ADGRL3: variants seen among roughly 807,000 people sequenced by gnomAD.
ADGRL3 encodes adhesion G protein-coupled receptor L3.
Under a neutral mutation model 153.5 loss-of-function variants are expected in ADGRL3, and 62 were observed. The observed-to-expected ratio is 0.40, with a 90% CI of 0.33 to 0.50. The LOEUF is 0.50. Ranked by LOEUF, ADGRL3 falls within the 20% of genes least tolerant of loss-of-function variation. The pLI, the probability that ADGRL3 is intolerant of heterozygous loss-of-function variation, is 0.47. For missense variants in ADGRL3, 1,641 were observed against 1,859.4 expected (o/e 0.88, Z 2.16); for synonymous variants, 710 against 672.5 (o/e 1.06, Z -0.86).
At chr4:61,804,589 C>T (rs1390515094) in intron 8 of ADGRL3, among the ~76,000 whole-genome samples, 1 of 152,156 alleles carries the variant, frequency 6.6e-6, no homozygotes. Context: ...AAATTTTTCA[C>T]TCTTCTCTCA....
At chr4:61,485,529 T>C (rs1217235690) in intron 2 of ADGRL3, among the ~76,000 whole-genome samples, 1 of 152,218 alleles carries the variant, frequency 6.6e-6, no homozygotes, top group African/African-American at 2.4e-5. Flanking sequence ...GTGAAAGAGA[T>C]ATATGTGACT....
At chr4:61,544,218 A>G (rs1386887166) in intron 4 of ADGRL3, among the ~76,000 whole-genome samples, 1 of 152,128 alleles carries the variant, frequency 6.6e-6, no homozygotes, top group Non-Finnish European at 1.5e-5. Flanking sequence ...CCCTTTCTTC[A>G]TAGCTGCACC....
At chr4:61,320,076 A>G (rs1249684028) in intron 1 of ADGRL3, among the ~76,000 whole-genome samples, 2 of 152,180 alleles carry the variant, frequency 1.3e-5, no homozygotes, top group Non-Finnish European at 2.9e-5. Flanking sequence ...TTTCTCCTCC[A>G]TATGAGGGCA....
chr4:61,443,227 C>T (rs1309791561), intron 2 of ADGRL3, among the ~76,000 whole-genome samples: 1 of 152,118 alleles, frequency 6.6e-6, no homozygotes, highest in East Asian at 1.9e-4. Context: ...TCCTATTAGA[C>T]ATACATAGCT....
At chr4:61,948,544 CA>C (rs1256554052) in intron 17 of ADGRL3, among the ~76,000 whole-genome samples, 1 of 152,090 alleles carries the variant, frequency 6.6e-6, no homozygotes, top group African/African-American at 2.4e-5. Flanking sequence ...TAATAAATGT[CA>C]GACCATAACC....
Position 61,248,427 on chromosome 4 carries a change from T to C in ADGRL3, c.-240+46662T>C, listed in dbSNP as rs1284981990. 2.0e-5 allele frequency among the ~76,000 whole-genome samples: 3 copies of C among 152,150 alleles called. 1 individual carries two copies. Among genetic ancestry groups the C allele is most frequent in the African/African-American group, 7.2e-5 (3 of 41,442 alleles). ...ACTGCCTCAGTCAATTTATTGTTTA[T>C]TTAAGGTGTTTTAAAGAACAAATTT... On this transcript the variant is annotated intron_variant, in intron 1 of 26. Transcript: ENST00000683033.
rs73822602 is a variant in ADGRL3 at position 61,297,998 on chromosome 4, A to G, written c.-239-85126A>G. ...TTTCACTCTAAGGCAATTATATAAT[A>G]CTTTAAATAGCCATTATATACATAA... is the stretch of plus-strand genomic sequence containing the variant. On this transcript the variant is annotated intron_variant, in intron 1 of 26. Coordinates refer to ENST00000683033, the MANE Select transcript of ADGRL3 (RefSeq NM_001387552.1). Among the ~76,000 whole-genome samples the G allele has an allele frequency of 2.5e-3, 377 of 152,270 alleles. 2 individuals are homozygous for G. Among genetic ancestry groups the G allele is most frequent in the African/African-American group, 8.8e-3 (367 of 41,540 alleles).
chr4:61,513,564 T>C (rs2098475090), intron 3 of ADGRL3, among the ~76,000 whole-genome samples: 1 of 152,152 alleles, frequency 6.6e-6, no homozygotes, highest in African/African-American at 2.4e-5. Flanking sequence ...ACTAATTTTA[T>C]ATTTCACGCT....
intron 9 of ADGRL3, among the ~76,000 whole-genome samples, chr4:61,867,134 C>T (rs547010402): frequency 2.0e-5 from 3 of 151,970 alleles, no homozygotes; most frequent in African/African-American, 7.2e-5. Flanking sequence ...TAGCAGATAT[C>T]CTAAGGAATT....
At chr4:61,993,024 G>A (rs917715637) in intron 19 of ADGRL3, among the ~76,000 whole-genome samples, 1 of 152,004 alleles carries the variant, frequency 6.6e-6, no homozygotes, top group Admixed American at 6.6e-5. Context: ...TTCTGAAAAT[G>A]TGTTTTAGTT....
chr4:61,494,319 T>A (rs1459042651), intron 2 of ADGRL3, among the ~76,000 whole-genome samples: 2 of 152,262 alleles, frequency 1.3e-5, no homozygotes, highest in East Asian at 3.9e-4. Flanking sequence ...TATACATACA[T>A]CTCCTGATAC....
intron 1 of ADGRL3, among the ~76,000 whole-genome samples, chr4:61,291,689 G>T (rs961316192): frequency 1.4e-5 from 2 of 146,928 alleles, no homozygotes; most frequent in Admixed American, 1.4e-4. Flanking sequence ...TGAATGAATG[G>T]TTTAATACAG....
chr4:61,384,356 CAATT>C (rs957614226), intron 2 of ADGRL3, among the ~76,000 whole-genome samples: 24 of 151,586 alleles, frequency 1.6e-4, no homozygotes, highest in Admixed American at 1.5e-3. Flanking sequence ...CATTTGCAAA[CAATT>C]AATATTATTT....
At chr4:61,518,232 A>G (rs2098509544) in intron 4 of ADGRL3, among the ~76,000 whole-genome samples, 1 of 152,190 alleles carries the variant, frequency 6.6e-6, no homozygotes, top group Non-Finnish European at 1.5e-5. Context: ...ACAAAACTTC[A>G]TATGGGTACT....
intron 2 of ADGRL3, among the ~76,000 whole-genome samples, chr4:61,464,725 T>G (rs1292571594): frequency 6.6e-6 from 1 of 152,186 alleles, no homozygotes; most frequent in African/African-American, 2.4e-5. Context: ...TCTTCAGTTT[T>G]GACCATTTGA....
intron 8 of ADGRL3, among the ~76,000 whole-genome samples, chr4:61,796,120 C>T (rs1040019927): frequency 2.6e-5 from 4 of 152,130 alleles, no homozygotes; most frequent in Non-Finnish European, 5.9e-5. Flanking sequence ...GGATTATAAG[C>T]GTGAGCCACC....
rs572045269 is a variant in ADGRL3 at position 61,708,872 on chromosome 4, G to T, written c.584-21750G>T. ...TTGCCCAGGCTGGAGTACAGTGGCC[G>T]TGATCTTGGCTCTTGCTACCTCTGC... On this transcript the variant is annotated intron_variant, in intron 6 of 26. Coordinates refer to ENST00000683033, the MANE Select transcript of ADGRL3 (RefSeq NM_001387552.1). Among the ~76,000 whole-genome samples, 18 of 151,898 alleles carry T rather than the reference G, an allele frequency of 1.2e-4. 1 individual carries two copies. Among genetic ancestry groups the T allele is most frequent in the African/African-American group, 4.4e-4 (18 of 41,356 alleles).
intron 3 of ADGRL3, among the ~76,000 whole-genome samples, chr4:61,507,101 G>T (rs2098435673): frequency 6.6e-6 from 1 of 152,126 alleles, no homozygotes; most frequent in African/African-American, 2.4e-5. Context: ...AATTGACAAT[G>T]GTGGTGACAA....
At chr4:61,972,537 A>G (rs952053604) in intron 17 of ADGRL3, among the ~76,000 whole-genome samples, 2 of 152,278 alleles carry the variant, frequency 1.3e-5, no homozygotes, top group South Asian at 2.1e-4. Context: ...TGGTAGCTGT[A>G]CCATGCTGTT....
Sources: gnomAD v4.1 joint callset for allele counts (sites outside exome capture counted in the v4.1 genomes callset) on GRCh38, gnomAD v4.1.1 for gene constraint, MANE v1.5 for transcripts, NCBI Gene and HGNC (gene_info 2026-07-23, HGNC 2026-07-21) for gene names.